The following GPCPD1 variants were observed in gnomAD, a reference collection of about 807,000 sequenced individuals.
GPCPD1 encodes the protein glycerophosphocholine phosphodiesterase GPCPD1.
GPCPD1 carries 29 observed loss-of-function variants against 89.2 expected under a neutral mutation model. The observed-to-expected ratio is 0.33, with a 90% CI of 0.24 to 0.44. The LOEUF (loss-of-function observed/expected upper bound fraction) is 0.44, where lower values mean the gene tolerates loss of function less well. Ranked by LOEUF, GPCPD1 falls within the 20% of genes least tolerant of loss-of-function variation. The probability of loss-of-function intolerance (pLI) is 1.00; values close to 1 mark genes in which losing one functional copy is unlikely to be tolerated. For missense variants in GPCPD1, 594 were observed against 808.9 expected (o/e 0.73, Z 3.22); for synonymous variants, 258 against 266.3 (o/e 0.97, Z 0.30).
rs5840096 is a variant in GPCPD1, at chr20:5,610,946, TC to T, written c.-134del. ...CCCGCCGTCCGTGCCTCGCCAGCGC[TC>T]CCCCCAGGCGGCCTGCCGCGGCGTC... On this transcript the variant is annotated 5_prime_UTR_variant, in exon 1 of 20. Transcript: ENST00000379019. 1 allele frequency: 151,941 copies of T among 151,944 alleles called. 75,969 individuals carry two copies. The highest frequency in any genetic ancestry group is 1 in the Middle Eastern group (292 of 292). The allele number at this position is 151,944 out of a possible 1,614,324, so 9.4% of individuals were successfully genotyped here.
At chr20:5,584,574 T>C (rs960651426) in intron 5 of GPCPD1, 4 of 250,352 alleles carry the variant, frequency 1.6e-5, no homozygotes, top group African/African-American at 9.1e-5. Flanking sequence ...AGAAAACTCT[T>C]CAGAAAGGTG....
At position 5,586,552 on chromosome 20, in the gene GPCPD1, G is replaced by A. The variant is rs565777923; in HGVS notation, c.232-283C>T. ...CTAAATCTGCCTACAATACTCAATTGTTTCAAAGAAATTTTCATTTTTAAC... is the reference window on the plus strand; with the variant it reads ...CTAAATCTGCCTACAATACTCAATTATTTCAAAGAAATTTTCATTTTTAAC... On this transcript the variant is annotated intron_variant, in intron 4 of 19. Coordinates refer to ENST00000379019, the MANE Select transcript of GPCPD1 (RefSeq NM_019593.5). 2.0e-5 allele frequency among the ~76,000 whole-genome samples: 3 copies of A among 152,152 alleles called. No homozygotes were observed. In the South Asian group the frequency reaches 6.2e-4, roughly 32 times the overall value.
intron 15 of GPCPD1, among the ~76,000 whole-genome samples, chr20:5,564,380 C>G (rs1986256500): frequency 6.6e-6 from 1 of 151,362 alleles, no homozygotes; most frequent in Non-Finnish European, 1.5e-5. Context: ...TCTCTAACTC[C>G]TATACCTGTG....
chr20:5,587,787 G>A (rs559885583), intron 4 of GPCPD1, among the ~76,000 whole-genome samples: 4 of 152,152 alleles, frequency 2.6e-5, no homozygotes, highest in Admixed American at 1.3e-4. Flanking sequence ...TAAATTTGAC[G>A]ATAAGCCAAA....
intron 14 of GPCPD1, among the ~76,000 whole-genome samples, chr20:5,566,088 C>T (rs1176970826): frequency 1.3e-5 from 2 of 152,060 alleles, no homozygotes; most frequent in Non-Finnish European, 1.5e-5. Context: ...GTCTTAAGCA[C>T]TTCACAATCT....
chr20:5,557,844 T>A, intron 19 of GPCPD1, 101 bp downstream of exon 19: 1 of 658,958 alleles, frequency 1.5e-6, no homozygotes, highest in Non-Finnish European at 2.5e-6. Context: ...CAGGCTGAAC[T>A]GCAGAATTTT....
At chr20:5,547,940 A>G (rs1600703081) in intron 19 of GPCPD1, 90 bp from the exon 20 acceptor site, 3 of 614,320 alleles carry the variant, frequency 4.9e-6, no homozygotes, top group Admixed American at 5.5e-5. Flanking sequence ...ATAAGAATTC[A>G]TTTACAGAAT....
Position 5,596,479 on chromosome 20 carries a change from T to C in GPCPD1, c.146+2246A>G, listed in dbSNP as rs534853342. On this transcript the variant is annotated intron_variant, in intron 3 of 19. Coordinates refer to ENST00000379019, the MANE Select transcript of GPCPD1 (RefSeq NM_019593.5). ...TTAAATCAAAACCAGGAAAGACGGG[T>C]AGTCATATGGTGGTTTAGTGCAGCT... Among the ~76,000 whole-genome samples, 23 of 152,240 alleles carry C rather than the reference T, an allele frequency of 1.5e-4. 1 individual carries two copies. Among genetic ancestry groups the C allele is most frequent in the African/African-American group, 4.6e-4 (19 of 41,532 alleles).
At chr20:5,605,275 T>C (rs780515213) in intron 1 of GPCPD1, among the ~76,000 whole-genome samples, 1 of 152,222 alleles carries the variant, frequency 6.6e-6, no homozygotes, top group African/African-American at 2.4e-5. Flanking sequence ...GCAGCTGTTC[T>C]GAATTCAAGG....
intron 2 of GPCPD1, 91 bp from the exon 3 acceptor site, chr20:5,598,912 G>A (rs1044477115): frequency 2.5e-6 from 2 of 795,504 alleles, no homozygotes; most frequent in African/African-American, 1.7e-5. Context: ...AACCAGATAT[G>A]CTGCCCCCTT....
intron 11 of GPCPD1, 125 bp downstream of exon 11, chr20:5,573,790 C>A: frequency 1.3e-6 from 1 of 752,004 alleles, no homozygotes; most frequent in Non-Finnish European, 2.4e-6. Context: ...TCATTCCGAT[C>A]TTCACCATGG....
intron 4 of GPCPD1, among the ~76,000 whole-genome samples, chr20:5,586,641 TA>T (rs1213089097): frequency 6.6e-6 from 1 of 152,174 alleles, no homozygotes; most frequent in East Asian, 1.9e-4. Context: ...ATCAATGAGG[TA>T]TTGCTAGATA....
chr20:5,567,397 T>A (rs1986446533), intron 13 of GPCPD1, 86 bp downstream of exon 13: 2 of 1,414,792 alleles, frequency 1.4e-6, no homozygotes, highest in Admixed American at 2.6e-5. Flanking sequence ...GTCATCCCCA[T>A]GTGCAAAGAG....
intron 16 of GPCPD1, 27 bp downstream of exon 16, chr20:5,561,438 G>C: frequency 7.7e-7 from 1 of 1,290,530 alleles, no homozygotes; most frequent in Non-Finnish European, 1.1e-6. Flanking sequence ...AGAGAGTATA[G>C]AATGTGCTGC....
At chr20:5,599,145 C>G (rs1979947573) in intron 2 of GPCPD1, among the ~76,000 whole-genome samples, 2 of 152,236 alleles carry the variant, frequency 1.3e-5, no homozygotes, top group African/African-American at 2.4e-5. Flanking sequence ...GCTTTCAAGA[C>G]AGCTTCCAAT....
At chr20:5,571,307 C>G (rs1986698563) in intron 11 of GPCPD1, among the ~76,000 whole-genome samples, 2 of 152,182 alleles carry the variant, frequency 1.3e-5, no homozygotes, top group African/African-American at 2.4e-5. Flanking sequence ...CCTACCATTC[C>G]CAAGTAGTTC....
intron 19 of GPCPD1, among the ~76,000 whole-genome samples, chr20:5,552,039 G>C (rs1045960631): frequency 9.2e-5 from 14 of 152,146 alleles, no homozygotes; most frequent in Admixed American, 8.5e-4. Flanking sequence ...GCCAAATAAA[G>C]ATTTGAGGGG....
At chr20:5,599,997 A>T (rs1017162124) in intron 2 of GPCPD1, among the ~76,000 whole-genome samples, 1 of 152,248 alleles carries the variant, frequency 6.6e-6, no homozygotes, top group African/African-American at 2.4e-5. Flanking sequence ...AGTACGTAGA[A>T]GTCTCTGACT....
intron 2 of GPCPD1, among the ~76,000 whole-genome samples, chr20:5,601,079 C>G (rs1382306293): frequency 6.6e-6 from 1 of 150,688 alleles, no homozygotes; most frequent in East Asian, 2.0e-4. Context: ...ACTCGGGAGG[C>G]TGAGGAATGA....
Sources: allele counts gnomAD v4.1 joint callset (sites outside exome capture counted in the v4.1 genomes callset), GRCh38; gene constraint gnomAD v4.1.1; transcripts MANE v1.5; gene names NCBI Gene and HGNC (gene_info 2026-07-23, HGNC 2026-07-21).